DPYSL5: variants seen among roughly 807,000 people sequenced by gnomAD.
The protein encoded by DPYSL5 is dihydropyrimidinase like 5.
A neutral mutation model predicts 58.4 loss-of-function variants in DPYSL5; 9 were observed. The observed-to-expected ratio is 0.15, with a 90% CI of 0.09 to 0.27. DPYSL5 has a LOEUF of 0.27. DPYSL5 is among the 10% of genes least tolerant of loss of function. The pLI is 1.00. For missense variants in DPYSL5, 499 were observed against 770.6 expected (o/e 0.65, Z 4.17); for synonymous variants, 293 against 301.9 (o/e 0.97, Z 0.31).
Position 26,946,924 on chromosome 2 carries a change from G to T in DPYSL5, c.1624G>T (p.Asp542Tyr). 1 of 1,614,096 alleles carries T rather than the reference G, an allele frequency of 6.2e-7. No homozygotes were observed. The highest frequency in any genetic ancestry group is 1.1e-5 in the South Asian group (1 of 91,058). Residue 542 changes from aspartate to tyrosine, a missense_variant, in exon 13 of 13, where the codon GAC becomes TAC. Physicochemically the swap from Asp to Tyr is radical, Grantham distance 160. Around this residue, in one of 3 missense-constraint regions of DPYSL5, gnomAD observed 33 missense variants for 63.8 expected, o/e 0.52. Transcript: ENST00000288699. Reference sequence around the variant, plus strand: ...CTTCCCTGCAGGCTCTCAGATCGATGACCATGTTCCAAAGCGAGCTTCAGC... The same window carrying T: ...CTTCCCTGCAGGCTCTCAGATCGATTACCATGTTCCAAAGCGAGCTTCAGC... ...SFSLSGSQID[D>Y]HVPKRASARI...
intron 1 of DPYSL5, among the ~76,000 whole-genome samples, chr2:26,892,543 A>C (rs1021858726): frequency 6.6e-6 from 1 of 152,142 alleles, no homozygotes; most frequent in East Asian, 1.9e-4. Flanking sequence ...CTGCTTTAAA[A>C]GGTGAGGATT....
chr2:26,941,350 C>T (rs1032969879), intron 9 of DPYSL5, among the ~76,000 whole-genome samples: 12 of 152,158 alleles, frequency 7.9e-5, no homozygotes, highest in African/African-American at 2.9e-4. Flanking sequence ...TGTCTAATTG[C>T]TTTCAGAAAA....
rs114856131 is a variant in DPYSL5 at position 26,933,853 on chromosome 2, C to T, written c.790+520C>T. ...TCGCCTGGCAGTACCTAAAGGCTTG[C>T]AGATGCTTGGAGTCCAGCCCCGCCC... is the stretch of plus-strand genomic sequence containing the variant. On this transcript the variant is annotated intron_variant, in intron 7 of 12. Coordinates refer to ENST00000288699, the MANE Select transcript of DPYSL5 (RefSeq NM_020134.4). This position sits in a 1 kb window ranked among gnomAD's most constrained non-coding sequence, Gnocchi z 4.2. Among the ~76,000 whole-genome samples the T allele has an allele frequency of 8.3e-3, 1,262 of 152,258 alleles. 13 individuals carry two copies. The highest frequency in any genetic ancestry group is 0.014 in the Non-Finnish European group (921 of 68,006).
chr2:26,941,690 T>G (rs973240279), intron 9 of DPYSL5, among the ~76,000 whole-genome samples: 1 of 152,190 alleles, frequency 6.6e-6, no homozygotes, highest in Non-Finnish European at 1.5e-5. Flanking sequence ...AGGAGGCAGA[T>G]TTGCCCCCGG....
intron 1 of DPYSL5, among the ~76,000 whole-genome samples, chr2:26,893,682 C>A (rs1015523717): frequency 6.6e-6 from 1 of 151,944 alleles, no homozygotes; most frequent in Non-Finnish European, 1.5e-5. Flanking sequence ...GGATGGGGAG[C>A]GGGCGGAGAC....
At position 26,934,792 on chromosome 2, in the gene DPYSL5, G is replaced by A; in HGVS notation, c.947+58G>A. On this transcript the variant is annotated intron_variant, in intron 8 of 12. Coordinates refer to ENST00000288699, the MANE Select transcript of DPYSL5 (RefSeq NM_020134.4). The surrounding 1 kb of genome is among the most constrained non-coding windows in gnomAD (Gnocchi z 4.3). ...TGTACATCTTTAGGAAGACGTCATA[G>A]AGGGCCCAGGAAACAAATCTGAGCT... The A allele has an allele frequency of 6.3e-7, 1 of 1,587,510 alleles. No individual in the cohort carries two copies.
At chr2:26,940,937 A>ATTAT (rs1553322255) in intron 9 of DPYSL5, among the ~76,000 whole-genome samples, 3 of 40,620 alleles carry the variant, frequency 7.4e-5, no homozygotes, top group Admixed American at 3.2e-4. Flanking sequence ...TATTATTATT[A>ATTAT]TTTATTTTTT....
In DPYSL5 at chr2:26,924,825, C is replaced by T; in HGVS notation, c.262-62C>T. The T allele has an allele frequency of 6.4e-7, 1 of 1,570,810 alleles. No individual in the cohort carries two copies. Among genetic ancestry groups the T allele is most frequent in the Non-Finnish European group, 8.6e-7 (1 of 1,157,478 alleles). On this transcript the variant is annotated intron_variant, in intron 2 of 12. Transcript: ENST00000288699. The surrounding 1 kb of genome is among the most constrained non-coding windows in gnomAD (Gnocchi z 4.7). Reference sequence around the variant, plus strand: ...AATGGACCATGAGGACCATGTCTCACCACATCATTGACTCGGGGGCAGGCA... The same window carrying T: ...AATGGACCATGAGGACCATGTCTCATCACATCATTGACTCGGGGGCAGGCA...
At chr2:26,894,387 C>A (rs1663961962) in intron 1 of DPYSL5, among the ~76,000 whole-genome samples, 1 of 152,210 alleles carries the variant, frequency 6.6e-6, no homozygotes, top group Non-Finnish European at 1.5e-5. Flanking sequence ...ATGCCTGTCT[C>A]TTCTGCATCT....
chr2:26,887,306 C>T (rs1663744391), intron 1 of DPYSL5, among the ~76,000 whole-genome samples: 1 of 152,172 alleles, frequency 6.6e-6, no homozygotes, highest in Admixed American at 6.5e-5. Flanking sequence ...GGAAGGGTCC[C>T]CCTTGCACCA....
At chr2:26,881,631 C>A (rs992263611) in intron 1 of DPYSL5, among the ~76,000 whole-genome samples, 2 of 152,162 alleles carry the variant, frequency 1.3e-5, no homozygotes, top group African/African-American at 4.8e-5. Context: ...TGGGCAGAAG[C>A]ATTATTGGCT....
In DPYSL5 at chr2:26,947,209, G is replaced by T; in HGVS notation, c.*214G>T. 1.9e-6 allele frequency: 1 copy of T among 538,488 alleles called. No homozygotes were observed. Among genetic ancestry groups the T allele is most frequent in the Non-Finnish European group, 3.4e-6 (1 of 297,470 alleles). The allele number at this position is 538,488 out of a possible 1,614,324, so 33.4% of individuals were successfully genotyped here. Reference sequence around the variant, plus strand: ...TTTGAGATGTGTTCCTCCTGCTGTAGTCCTTTCTGCCTTGGCCTCGGCGGG... The same window carrying T: ...TTTGAGATGTGTTCCTCCTGCTGTATTCCTTTCTGCCTTGGCCTCGGCGGG... On this transcript the variant is annotated 3_prime_UTR_variant, in exon 13 of 13. Coordinates refer to ENST00000288699, the MANE Select transcript of DPYSL5 (RefSeq NM_020134.4). The surrounding 1 kb of genome is among the most constrained non-coding windows in gnomAD (Gnocchi z 4.2).
At position 26,849,113 on chromosome 2, in the gene DPYSL5, T is replaced by C. The variant is rs1262708929; in HGVS notation, c.-5+859T>C. Among the ~76,000 whole-genome samples the C allele has an allele frequency of 1.2e-5, 1 of 82,128 alleles. No individual in the cohort carries two copies. The highest frequency in any genetic ancestry group is 2.5e-5 in the Non-Finnish European group (1 of 40,028). The allele number at this position is 82,128 out of a possible 152,430, so 53.9% of individuals were successfully genotyped here. ...GTAGTGGGTCTCGGGGAGCAGGGAGTGGGAACTAGGGTTTGAGGAGGAAAG... is the reference window on the plus strand; with the variant it reads ...GTAGTGGGTCTCGGGGAGCAGGGAGCGGGAACTAGGGTTTGAGGAGGAAAG... On this transcript the variant is annotated intron_variant, in intron 1 of 12. Transcript: ENST00000288699. The surrounding 1 kb of genome is among the most constrained non-coding windows in gnomAD (Gnocchi z 6.2).
At chr2:26,885,033 C>A (rs1294880435) in intron 1 of DPYSL5, among the ~76,000 whole-genome samples, 7 of 152,196 alleles carry the variant, frequency 4.6e-5, no homozygotes, top group Admixed American at 6.5e-5. Context: ...AACCCCATCT[C>A]TATTAAAAAT....
rs1443801931 is a variant in DPYSL5, at chr2:26,944,838, G to T, written c.1609+14G>T. On this transcript the variant is annotated intron_variant, in intron 12 of 12. Coordinates refer to ENST00000288699, the MANE Select transcript of DPYSL5 (RefSeq NM_020134.4). The surrounding 1 kb of genome is among the most constrained non-coding windows in gnomAD (Gnocchi z 4.4). ...TCAGCCTCTCTGGTAAGAGTCAGGG[G>T]GCCACGGGAGGAGGATGGGGGTCTG... 1.2e-6 allele frequency: 2 copies of T among 1,612,678 alleles called. No individual in the cohort carries two copies. The highest frequency in any genetic ancestry group is 1.7e-6 in the Non-Finnish European group (2 of 1,179,254).
chr2:26,937,081 AC>A (rs914787861), intron 8 of DPYSL5, among the ~76,000 whole-genome samples: 2 of 152,054 alleles, frequency 1.3e-5, no homozygotes, highest in Non-Finnish European at 2.9e-5. Flanking sequence ...CTTTTGAAAC[AC>A]CCCTGCTTGC....
chr2:26,884,301 CG>C (rs1463016482), intron 1 of DPYSL5, among the ~76,000 whole-genome samples: 3 of 152,084 alleles, frequency 2.0e-5, no homozygotes, highest in Non-Finnish European at 4.4e-5. Flanking sequence ...CCAGGACCTG[CG>C]GGAGCTGGGC....
intron 1 of DPYSL5, among the ~76,000 whole-genome samples, chr2:26,851,163 AT>A (rs1044861933): frequency 6.6e-6 from 1 of 152,152 alleles, no homozygotes; most frequent in Non-Finnish European, 1.5e-5. Flanking sequence ...TTTTCATATT[AT>A]TACCCAAAGG....
In DPYSL5 at chr2:26,946,899, C is replaced by T; in HGVS notation, c.1610-11C>T. 1 of 1,612,974 alleles carries T rather than the reference C, an allele frequency of 6.2e-7. No individual in the cohort carries two copies. Among genetic ancestry groups the T allele is most frequent in the Non-Finnish European group, 8.5e-7 (1 of 1,178,942 alleles). On this transcript the variant is annotated splice_polypyrimidine_tract_variant and intron_variant, in intron 12 of 12. Transcript: ENST00000288699. ...GAGCCCGTCTCACCCTCTGTGCTTC[C>T]TTCCCTGCAGGCTCTCAGATCGATG...
Sources: allele counts gnomAD v4.1 joint callset (sites outside exome capture counted in the v4.1 genomes callset), GRCh38; gene constraint gnomAD v4.1.1; regional missense constraint gnomAD v4.1.1; non-coding constraint Gnocchi (gnomAD v3.1); transcripts MANE v1.5; gene names NCBI Gene and HGNC (gene_info 2026-07-23, HGNC 2026-07-21).